Variants in TRPA1 observed in about 807,000 individuals in gnomAD.
The protein encoded by TRPA1 is transient receptor potential cation channel subfamily A member 1.
TRPA1 carries 129 observed loss-of-function variants against 131.3 expected under a neutral mutation model. That is an observed-to-expected ratio of 0.98 (90% CI 0.85 to 1.14). The LOEUF (loss-of-function observed/expected upper bound fraction) is 1.14. TRPA1 is among the 50% of genes most tolerant of loss of function. The pLI is 0.00. For missense variants in TRPA1, 1,304 were observed against 1,354.2 expected, an observed-to-expected ratio of 0.96 and a Z score of 0.58; for synonymous variants, 441 against 451.7, an observed-to-expected ratio of 0.98 and a Z score of 0.30.
intron 17 of TRPA1, among the ~76,000 whole-genome samples, chr8:72,044,995 CA>C (rs1180928758): frequency 2.0e-5 from 3 of 151,838 alleles, no homozygotes; most frequent in Non-Finnish European, 2.9e-5. Context: ...AAAATAGATA[CA>C]TTTTTTTCTG....
At chr8:72,036,258 G>T (rs759886443) in intron 21 of TRPA1, 30 bp downstream of exon 21, 10 of 1,608,130 alleles carry the variant, frequency 6.2e-6, no homozygotes, top group East Asian at 4.5e-5. Context: ...AATGCTTAAA[G>T]GATGTGGAAA....
At position 72,065,519 on chromosome 8, in the gene TRPA1, C is replaced by A. The variant is rs1449057055; in HGVS notation, c.484G>T (p.Gly162Ter). 1.6e-5 allele frequency: 26 copies of A among 1,613,322 alleles called. No individual in the cohort carries two copies. Among genetic ancestry groups the A allele is most frequent in the Non-Finnish European group, 2.2e-5 (26 of 1,179,690 alleles). The change falls in exon 4 of 27, where the codon GGA (glycine) becomes TGA (stop). Residue 162 changes from glycine to a stop codon, truncating the protein, a stop_gained. Coordinates refer to ENST00000262209, the MANE Select transcript of TRPA1 (RefSeq NM_007332.3). LOFTEE classifies it high-confidence loss of function. ...EHRTIDVNLEGENGNTAVIIA... is the reference protein window; with the variant it reads ...EHRTIDVNLE ...ATCACAGCTGTGTTTCCATTTTCTC[C>A]TTCCAAATTAACATCAATAGTTCTA...
chr8:72,075,489 GC>G lies in TRPA1; in HGVS notation c.-81del. On this transcript the variant is annotated 5_prime_UTR_variant, in exon 1 of 27. Coordinates refer to ENST00000262209, the MANE Select transcript of TRPA1 (RefSeq NM_007332.3). ...TGGGGCGAGAGAGCGCTGTCAGCCT[GC>G]CAGGCGCTGGGGTCCGCGCGAGCCC... The G allele has an allele frequency of 8.2e-7, 1 of 1,216,388 alleles. No individual in the cohort carries two copies. The highest frequency in any genetic ancestry group is 1.2e-6 in the Non-Finnish European group (1 of 832,208). The allele number at this position is 1,216,388 out of a possible 1,614,324, so 75.3% of individuals were successfully genotyped here. A position where few individuals can be genotyped will look rare whatever the true frequency, so the allele number is the denominator to read the frequency against.
chr8:72,089,598 C>T, the TRPA1 span, among the ~76,000 whole-genome samples: 23,314 of 151,966 alleles, frequency 0.15, 1,919 homozygotes, highest in Middle Eastern at 0.2. Flanking sequence ...CAAAAATATA[C>T]TAATTTATCC....
the TRPA1 span, among the ~76,000 whole-genome samples, chr8:72,083,761 G>A: frequency 0.038 from 5,747 of 151,560 alleles, 365 homozygotes; most frequent in African/African-American, 0.13. Flanking sequence ...AACAAAAAAC[G>A]AACAAACAAA....
At chr8:72,027,204 T>A (rs1336346505) in intron 24 of TRPA1, among the ~76,000 whole-genome samples, 3 of 152,176 alleles carry the variant, frequency 2.0e-5, no homozygotes, top group Non-Finnish European at 4.4e-5. Context: ...AAAGATTTAC[T>A]CAAGCTCAAT....
chr8:72,035,688 C>A (rs867111110), intron 21 of TRPA1, among the ~76,000 whole-genome samples: 21 of 152,018 alleles, frequency 1.4e-4, no homozygotes, highest in Non-Finnish European at 2.6e-4. Flanking sequence ...TTCTTTTATA[C>A]CACTTCAATT....
chr8:72,022,691 G>T lies in TRPA1; in HGVS notation c.*215C>A. The T allele has an allele frequency of 1.6e-6, 1 of 611,524 alleles. No individual in the cohort carries two copies. The highest frequency in any genetic ancestry group is 1.9e-5 in the South Asian group (1 of 52,078). 37.9% of individuals were successfully genotyped at this position (611,524 alleles called of 1,614,324 possible). On this transcript the variant is annotated 3_prime_UTR_variant, in exon 27 of 27. Coordinates refer to ENST00000262209, the MANE Select transcript of TRPA1 (RefSeq NM_007332.3). ...ATCTCATCAAAGTCCAGTCCAATTT[G>T]AACATATCTGCAAAGATATCCCCAA...
At chr8:72,061,468 G>A (rs16937957) in intron 7 of TRPA1, among the ~76,000 whole-genome samples, 157 bp downstream of exon 7, 19,651 of 152,122 alleles carry the variant, frequency 0.13, 1,453 homozygotes, top group Middle Eastern at 0.32. Context: ...AGGAACATAC[G>A]CGATTCCGGT....
chr8:72,057,580 A>C, intron 9 of TRPA1, 137 bp downstream of exon 9: 1 of 741,932 alleles, frequency 1.3e-6, no homozygotes, highest in Non-Finnish European at 2.4e-6. Context: ...TTTATTTTTA[A>C]ATTCACAACA....
intron 15 of TRPA1, among the ~76,000 whole-genome samples, chr8:72,048,315 C>T (rs1182681422): frequency 6.6e-6 from 1 of 152,068 alleles, no homozygotes; most frequent in African/African-American, 2.4e-5. Context: ...CCCATCAATG[C>T]ATCTAGGACC....
rs555312606 is a variant in TRPA1, at chr8:72,023,053, C to T, written c.3213G>A (p.Lys1071=). Residue 1071 remains lysine, a synonymous_variant, in exon 27 of 27, where the codon AAG becomes AAA. Coordinates refer to ENST00000262209, the MANE Select transcript of TRPA1 (RefSeq NM_007332.3). ...CCTCTGTCTCAGAGATGATCTCCAT[C>T]TTCTGAATGATCAGTTTAATGAGCT... ...QHELIKLIIQ[K]MEIISETEDD... 1.1e-5 allele frequency: 17 copies of T among 1,613,800 alleles called. 1 individual carries two copies. The African/African-American group carries it at 2.3e-4, about 22-fold the overall frequency.
chr8:72,042,075 A>C (rs1812271493), intron 17 of TRPA1, among the ~76,000 whole-genome samples: 1 of 151,930 alleles, frequency 6.6e-6, no homozygotes, highest in African/African-American at 2.4e-5. Flanking sequence ...AAATTTCTTC[A>C]AGTCAAAGGA....
rs1340210015 is a variant in TRPA1 at position 72,022,861 on chromosome 8, A to C, written c.*45T>G. ...TTTTAAATTGAAAGTTAGAACCAGCAAGTCATGCACCCCCCATTAGAAGCC... is the reference window on the plus strand; with the variant it reads ...TTTTAAATTGAAAGTTAGAACCAGCCAGTCATGCACCCCCCATTAGAAGCC... On this transcript the variant is annotated 3_prime_UTR_variant, in exon 27 of 27. Coordinates refer to ENST00000262209, the MANE Select transcript of TRPA1 (RefSeq NM_007332.3). 1 of 1,553,184 alleles carries C rather than the reference A, an allele frequency of 6.4e-7. No individual in the cohort carries two copies. Among genetic ancestry groups the C allele is most frequent in the South Asian group, 1.1e-5 (1 of 89,852 alleles).
the TRPA1 span, among the ~76,000 whole-genome samples, chr8:72,086,426 T>C: frequency 5.3e-5 from 8 of 152,216 alleles, no homozygotes; most frequent in African/African-American, 1.4e-4. Flanking sequence ...TGTACACACA[T>C]AATTCTTCCA....
chr8:72,067,635 T>C (rs1310156373), intron 3 of TRPA1, among the ~76,000 whole-genome samples: 1 of 152,214 alleles, frequency 6.6e-6, no homozygotes, highest in Non-Finnish European at 1.5e-5. Context: ...TTAATAGGTA[T>C]GTGTTCTTGA....
chr8:72,022,804 CA>C lies in TRPA1; in HGVS notation c.*101del. 8.9e-7 allele frequency: 1 copy of C among 1,125,650 alleles called. No individual in the cohort carries two copies. The highest frequency in any genetic ancestry group is 1.3e-6 in the Non-Finnish European group (1 of 756,458). The allele number at this position is 1,125,650 out of a possible 1,614,324, so 69.7% of individuals were successfully genotyped here. ...GCAGGAACCATGATTTCACACGCAG[CA>C]AAATGAATCATTCTGCTTCTTCCTC... On this transcript the variant is annotated 3_prime_UTR_variant, in exon 27 of 27. Coordinates refer to ENST00000262209, the MANE Select transcript of TRPA1 (RefSeq NM_007332.3).
intron 23 of TRPA1, among the ~76,000 whole-genome samples, chr8:72,032,813 A>G (rs1399627052): frequency 2.1e-5 from 3 of 143,600 alleles, no homozygotes; most frequent in Admixed American, 6.9e-5. Context: ...ACACATCTGC[A>G]TAATTTTTTT....
chr8:72,062,740 A>G, intron 6 of TRPA1, 59 bp downstream of exon 6: 1 of 1,527,488 alleles, frequency 6.5e-7, no homozygotes, highest in South Asian at 1.1e-5. Context: ...GCTATAAAGC[A>G]TTTTATATGT....
Sources: allele counts gnomAD v4.1 joint callset (sites outside exome capture counted in the v4.1 genomes callset), GRCh38; gene constraint gnomAD v4.1.1; transcripts MANE v1.5; gene names NCBI Gene and HGNC (gene_info 2026-07-23, HGNC 2026-07-21).